The following CFAP99 variants were observed in gnomAD, a reference collection of about 807,000 sequenced individuals.
CFAP99 encodes the protein cilia- and flagella-associated protein 99.
A neutral mutation model predicts 82.7 loss-of-function variants in CFAP99; 84 were observed. That is an observed-to-expected ratio of 1.02 (90% CI 0.85 to 1.22). The LOEUF is 1.22. CFAP99 is among the 50% of genes most tolerant of loss of function. The pLI is 0.00. For missense variants in CFAP99, 1,059 were observed against 983.5 expected (o/e 1.08, Z -1.03); for synonymous variants, 456 against 429.5 (o/e 1.06, Z -0.76).
chr4:2,450,841 G>A (rs1734282844), intron 8 of CFAP99, 106 bp from the exon 9 acceptor site: 14 of 900,802 alleles, frequency 1.6e-5, no homozygotes, highest in Non-Finnish European at 2.3e-5. Context: ...GAAGAGGGGT[G>A]AGCCAGGCCT....
In CFAP99 at chr4:2,462,665, G is replaced by C; in HGVS notation, c.1884G>C (p.Trp628Cys). The C allele has an allele frequency of 7.9e-7, 1 of 1,268,446 alleles. No homozygotes were observed. Among genetic ancestry groups the C allele is most frequent in the Admixed American group, 4.3e-5 (1 of 23,286 alleles). 78.6% of individuals were successfully genotyped at this position (1,268,446 alleles called of 1,614,324 possible). A position where few individuals can be genotyped will look rare whatever the true frequency, so the allele number is the denominator to read the frequency against. Residue 628 changes from tryptophan (W) to cysteine (C), a missense_variant, in exon 15 of 15, where the codon TGG becomes TGC. Coordinates refer to ENST00000635017, the Ensembl canonical transcript of CFAP99. This position sits in a 1 kb window ranked among gnomAD's most constrained non-coding sequence, Gnocchi z 4.1. The stretch of plus-strand genomic sequence containing the variant: ...TGAAAGCCGGGGCCGGGTGGGGATG[G>C]CGGGCGCGGCGCGCAGGGACCGGCG...
At chr4:2,455,064 C>T (rs1023681952) in intron 11 of CFAP99, among the ~76,000 whole-genome samples, 1 of 151,972 alleles carries the variant, frequency 6.6e-6, no homozygotes, top group Non-Finnish European at 1.5e-5. Context: ...AAACTGCAGG[C>T]GTGCACCACC....
rs189756016 is a variant in CFAP99, at chr4:2,436,982, C to T, written c.220C>T (p.Arg74Ter). 6.5e-6 allele frequency: 10 copies of T among 1,536,030 alleles called. No homozygotes were observed. The East Asian group carries it at 9.8e-5, about 15-fold the overall frequency. Residue 74 changes from arginine (R) to a stop codon, truncating the protein, a stop_gained, in exon 3 of 15, where the codon CGA becomes TGA. Coordinates refer to ENST00000635017, the Ensembl canonical transcript of CFAP99. LOFTEE classifies it high-confidence loss of function. ...GGATGCCTTCTACGTGGAGGATGGC[C>T]GACTCTGCCTGCGGGTTGACCACAG...
intron 2 of CFAP99, 108 bp downstream of exon 2, chr4:2,426,694 T>G (rs1229220655): frequency 1.1e-5 from 8 of 732,666 alleles, no homozygotes; most frequent in Admixed American, 2.1e-5. Context: ...TCCTTCCACA[T>G]GGGGAGAAGC....
At chr4:2,434,165 A>G (rs1439522680) in intron 2 of CFAP99, among the ~76,000 whole-genome samples, 3 of 152,174 alleles carry the variant, frequency 2.0e-5, no homozygotes, top group Admixed American at 6.5e-5. Context: ...TTTCAGATGC[A>G]TTCATGTGAT....
At chr4:2,449,370 A>T (rs1053668566) in intron 6 of CFAP99, among the ~76,000 whole-genome samples, 7 of 151,908 alleles carry the variant, frequency 4.6e-5, no homozygotes, top group African/African-American at 1.7e-4. Flanking sequence ...CACCCTGGCC[A>T]TCCCATGCTG....
At chr4:2,458,944 G>A (rs930356211) in intron 12 of CFAP99, 80 bp downstream of exon 12, 3 of 1,474,988 alleles carry the variant, frequency 2.0e-6, no homozygotes, top group African/African-American at 2.8e-5. Flanking sequence ...TCCTGAGTGA[G>A]CCACTATGGC....
At chr4:2,429,843 G>A (rs71606393) in intron 2 of CFAP99, among the ~76,000 whole-genome samples, 16 of 152,100 alleles carry the variant, frequency 1.1e-4, no homozygotes, top group Admixed American at 5.2e-4. Context: ...CGCCCGCCTC[G>A]GCCTCCCAAG....
At chr4:2,458,064 C>T (rs905468441) in intron 11 of CFAP99, among the ~76,000 whole-genome samples, 3 of 152,206 alleles carry the variant, frequency 2.0e-5, no homozygotes, top group African/African-American at 7.2e-5. Flanking sequence ...CAGGAGGCAC[C>T]GCCGCCCTCT....
intron 14 of CFAP99, 89 bp downstream of exon 14, chr4:2,460,331 A>G: frequency 8.5e-7 from 1 of 1,181,030 alleles, no homozygotes; most frequent in Non-Finnish European, 1.2e-6. Context: ...GGTCTCCTAG[A>G]AACAACCACC....
At chr4:2,434,644 G>A (rs17132546) in intron 2 of CFAP99, among the ~76,000 whole-genome samples, 7,522 of 152,326 alleles carry the variant, frequency 0.049, 548 homozygotes, top group African/African-American at 0.17. Context: ...CATCGGGTGG[G>A]ACAGGCAGGG....
rs1359286871 is a variant in CFAP99 at position 2,445,246 on chromosome 4, GC to G, written c.585del (p.Arg196GlyfsTer50). On this transcript the variant is annotated frameshift_variant, in exon 6 of 15. Coordinates refer to ENST00000635017, the Ensembl canonical transcript of CFAP99. LOFTEE classifies it high-confidence loss of function. Reference sequence around the variant, plus strand: ...AGAGCCCAAGGAATTCAACCTGACTGCCCCCAGGCCCCGCACCATTCCAGCG... The same window carrying G: ...AGAGCCCAAGGAATTCAACCTGACTGCCCCAGGCCCCGCACCATTCCAGCG... 5.5e-6 allele frequency: 8 copies of G among 1,441,916 alleles called. No homozygotes were observed. Among genetic ancestry groups the G allele is most frequent in the South Asian group, 4.3e-5 (3 of 69,674 alleles). The allele number at this position is 1,441,916 out of a possible 1,614,324, so 89.3% of individuals were successfully genotyped here.
exon 13 of CFAP99, chr4:2,459,132 G>A (rs1323132580): frequency 8.5e-6 from 13 of 1,531,654 alleles, no homozygotes; most frequent in South Asian, 6.0e-5. Flanking sequence ...AGGAGAGCAG[G>A]GGGCTGCTGC....
intron 13 of CFAP99, 95 bp from the exon 14 acceptor site, chr4:2,459,942 A>G: frequency 8.9e-7 from 1 of 1,123,500 alleles, no homozygotes; most frequent in Non-Finnish European, 1.3e-6. Context: ...GAAGGTGGGC[A>G]AGGGGTGGGC....
At chr4:2,460,743 G>GT (rs887721884) in intron 14 of CFAP99, among the ~76,000 whole-genome samples, 146 of 152,198 alleles carry the variant, frequency 9.6e-4, no homozygotes, top group African/African-American at 3.3e-3. Flanking sequence ...TTGGCCAACT[G>GT]TTTTTTGTTT....
rs1733956025 is a variant in CFAP99 at position 2,438,082 on chromosome 4, T to C, written c.269T>C (p.Leu90Pro). ...CCCTGTTTTCTAGTGATCTGCTACC[T>C]AGCCACATTCCTGCTGGAGGAACTC... Residue 90 changes from leucine (L) to proline (P), a missense_variant, in exon 4 of 15, where the codon CTA becomes CCA. Physicochemically the swap from Leu to Pro is moderately conservative, Grantham distance 98. Coordinates refer to ENST00000635017, the Ensembl canonical transcript of CFAP99. The C allele has an allele frequency of 2.6e-6, 4 of 1,533,680 alleles. No individual in the cohort carries two copies. In the African/African-American group the frequency reaches 4.1e-5, roughly 16 times the overall value.
chr4:2,421,265 C>T (rs1733578159), intron 1 of CFAP99, among the ~76,000 whole-genome samples: 1 of 150,630 alleles, frequency 6.6e-6, no homozygotes, highest in Non-Finnish European at 1.5e-5. Context: ...TGTTTTGTGT[C>T]TGATGGAATT....
chr4:2,432,793 C>A (rs1261499599), intron 2 of CFAP99, among the ~76,000 whole-genome samples: 1 of 152,248 alleles, frequency 6.6e-6, no homozygotes, highest in Non-Finnish European at 1.5e-5. Context: ...AACTCAGAGA[C>A]CCTTGGGCAG....
chr4:2,453,012 G>A (rs953429648), intron 11 of CFAP99, among the ~76,000 whole-genome samples: 45 of 152,294 alleles, frequency 3.0e-4, no homozygotes, highest in African/African-American at 3.1e-4. Context: ...GCAGTGAGCC[G>A]TGATCATGCC....
Sources: gnomAD v4.1 joint callset for allele counts (sites outside exome capture counted in the v4.1 genomes callset) on GRCh38, gnomAD v4.1.1 for gene constraint, Gnocchi (gnomAD v3.1) non-coding constraint, MANE v1.5 for transcripts, NCBI Gene and HGNC (gene_info 2026-07-23, HGNC 2026-07-21) for gene names.